Variants in PABPN1L observed in about 807,000 individuals in gnomAD.
The protein encoded by PABPN1L is PABPN1 like, cytoplasmic.
A neutral mutation model predicts 34.0 loss-of-function variants in PABPN1L; 45 were observed. That is an observed-to-expected ratio of 1.32 (90% CI 1.04 to 1.70). PABPN1L has a LOEUF of 1.70. Ranked by LOEUF, PABPN1L falls within the 40% of genes most tolerant of loss-of-function variation. The pLI is 0.00. For missense variants in PABPN1L, 459 were observed against 367.8 expected (o/e 1.25, Z -2.03); for synonymous variants, 182 against 152.1 (o/e 1.20, Z -1.45).
chr16:88,868,542 G>T (rs924732399), upstream of PABPN1L, among the ~76,000 whole-genome samples: 1 of 152,112 alleles, frequency 6.6e-6, no homozygotes, highest in African/African-American at 2.4e-5. Flanking sequence ...GGAGGCAGAG[G>T]TTGCAGTGAG....
exon 7 of PABPN1L, chr16:88,863,409 G>C (rs1968492503): frequency 4.6e-6 from 2 of 438,512 alleles, no homozygotes; most frequent in Non-Finnish European, 8.3e-6. Flanking sequence ...TTCTTAAAAT[G>C]ACTTAGTTGA....
At chr16:88,868,854 C>T (rs1968650042), upstream of PABPN1L, among the ~76,000 whole-genome samples, 1 of 152,180 alleles carries the variant, frequency 6.6e-6, no homozygotes, top group South Asian at 2.1e-4. Context: ...ATAAAACTGC[C>T]ACAGGGAATA....
At chr16:88,867,084 G>C (rs532919500), upstream of PABPN1L, among the ~76,000 whole-genome samples, 2 of 152,306 alleles carry the variant, frequency 1.3e-5, no homozygotes, top group South Asian at 4.1e-4. Flanking sequence ...ACCGAGAGCA[G>C]GTGCATGGGA....
At position 88,865,802 on chromosome 16, in the gene PABPN1L, C is replaced by A; in HGVS notation, c.391+4G>T. 6.2e-7 allele frequency: 1 copy of A among 1,602,010 alleles called. No homozygotes were observed. The highest frequency in any genetic ancestry group is 8.5e-7 in the Non-Finnish European group (1 of 1,174,584). ...GGGGGGCGGCCTGTGCCCTTGGTTC[C>A]TACCCACGGTCTCAGGGCTCAGCAG... On this transcript the variant is annotated splice_donor_region_variant and intron_variant, in intron 2 of 6. Transcript: ENST00000419291.
chr16:88,868,302 T>C (rs75948317), upstream of PABPN1L, among the ~76,000 whole-genome samples: 4 of 152,128 alleles, frequency 2.6e-5, no homozygotes, highest in African/African-American at 9.7e-5. Context: ...TGCTCTGCTT[T>C]TTCCAAAGAG....
exon 7 of PABPN1L, chr16:88,863,766 G>A: frequency 2.6e-6 from 4 of 1,536,104 alleles, no homozygotes; most frequent in Non-Finnish European, 3.5e-6. Context: ...TTAATACGGT[G>A]AAAACCATGG....
At chr16:88,866,690 G>C, upstream of PABPN1L, 1 of 1,440,826 alleles carries the variant, frequency 6.9e-7, no homozygotes, top group South Asian at 1.5e-5. Context: ...CTCTCCTGGA[G>C]TTTTAAGCCC....
At chr16:88,868,533 G>A (rs1451363884), upstream of PABPN1L, among the ~76,000 whole-genome samples, 2 of 152,158 alleles carry the variant, frequency 1.3e-5, no homozygotes, top group Non-Finnish European at 2.9e-5. Flanking sequence ...TTGAACCCGG[G>A]AGGCAGAGGT....
At chr16:88,868,028 C>T (rs1968635650), upstream of PABPN1L, among the ~76,000 whole-genome samples, 1 of 152,202 alleles carries the variant, frequency 6.6e-6, no homozygotes, top group Non-Finnish European at 1.5e-5. Context: ...CAGGGCGTGG[C>T]CTAGGCTGGA....
intron 5 of PABPN1L, among the ~76,000 whole-genome samples, 189 bp downstream of exon 5, chr16:88,864,664 C>T (rs1968544428): frequency 6.6e-6 from 1 of 150,906 alleles, no homozygotes; most frequent in South Asian, 2.1e-4. Context: ...CACTTCCCCA[C>T]CATGCCACTG....
chr16:88,867,413 T>C (rs1968625664), upstream of PABPN1L, among the ~76,000 whole-genome samples: 2 of 152,072 alleles, frequency 1.3e-5, no homozygotes, highest in African/African-American at 4.8e-5. Context: ...GTCTTTTTAG[T>C]AGAGACAGGG....
At chr16:88,866,948 G>A (rs990975813), upstream of PABPN1L, among the ~76,000 whole-genome samples, 2 of 152,254 alleles carry the variant, frequency 1.3e-5, no homozygotes, top group African/African-American at 2.4e-5. Context: ...CATCCACACG[G>A]CACGAACGCC....
At chr16:88,868,256 C>T (rs1968638960), upstream of PABPN1L, among the ~76,000 whole-genome samples, 1 of 152,146 alleles carries the variant, frequency 6.6e-6, no homozygotes, top group Non-Finnish European at 1.5e-5. Context: ...AGGGTGCACC[C>T]AGGAAAAAGA....
upstream of PABPN1L, among the ~76,000 whole-genome samples, chr16:88,866,946 C>G (rs938123060): frequency 1.3e-5 from 2 of 152,262 alleles, no homozygotes; most frequent in Non-Finnish European, 2.9e-5. Context: ...AGCATCCACA[C>G]GGCACGAACG....
intron 1 of PABPN1L, 103 bp from the exon 2 acceptor site, chr16:88,866,044 G>C: frequency 6.9e-7 from 1 of 1,442,852 alleles, no homozygotes; most frequent in South Asian, 1.4e-5. Context: ...CAGCCCCAAG[G>C]GGCAGCCCTT....
At chr16:88,866,607 G>A (rs371616412) in exon 1 of PABPN1L, 1 of 1,540,222 alleles carries the variant, frequency 6.5e-7, no homozygotes, top group Admixed American at 2.0e-5. Flanking sequence ...AGGGCCACAT[G>A]GTAGAGGGGC....
exon 7 of PABPN1L, chr16:88,863,600 C>T: frequency 1.0e-6 from 1 of 961,610 alleles, no homozygotes; most frequent in Non-Finnish European, 1.6e-6. Context: ...CCCTACTGGG[C>T]CATCCCCCCG....
exon 1 of PABPN1L, chr16:88,866,354 G>T (rs372689927): frequency 1.9e-6 from 3 of 1,549,368 alleles, no homozygotes. Context: ...GCTGTTACCT[G>T]GTCAGGCAAT....
At chr16:88,869,231 A>G (rs1968655352), upstream of PABPN1L, among the ~76,000 whole-genome samples, 1 of 152,056 alleles carries the variant, frequency 6.6e-6, no homozygotes, top group Admixed American at 6.5e-5. Flanking sequence ...TCTGTTCACC[A>G]CCCAGAGGAT....
Sources: allele counts gnomAD v4.1 joint callset (sites outside exome capture counted in the v4.1 genomes callset), GRCh38; gene constraint gnomAD v4.1.1; transcripts MANE v1.5; gene names NCBI Gene and HGNC (gene_info 2026-07-23, HGNC 2026-07-21).